Variants in CHL1 observed in about 807,000 individuals in gnomAD.
CHL1 encodes neural cell adhesion molecule L1-like protein.
CHL1 carries 96 observed loss-of-function variants against 141.9 expected under a neutral mutation model. The ratio of observed to expected loss-of-function variants is 0.68; its 90% CI spans 0.57 to 0.80. CHL1 has a LOEUF of 0.80. CHL1 is among the 30% of genes least tolerant of loss of function. The probability of loss-of-function intolerance (pLI) is 0.00; values close to 1 mark genes in which losing one functional copy is unlikely to be tolerated. For synonymous variants in CHL1, 613 were observed against 502.2 expected (o/e 1.22, Z -2.95); for missense variants, 1,820 against 1,457.2 (o/e 1.25, Z -4.05).
At chr3:281,604 G>T (rs564658354) in intron 2 of CHL1, among the ~76,000 whole-genome samples, 37 of 148,460 alleles carry the variant, frequency 2.5e-4, no homozygotes, top group African/African-American at 9.2e-4. Context: ...CTGTCGCCCA[G>T]GCTGGAATGC....
chr3:326,455 C>T (rs969723653), intron 4 of CHL1, among the ~76,000 whole-genome samples: 1 of 151,668 alleles, frequency 6.6e-6, no homozygotes, highest in Non-Finnish European at 1.5e-5. Context: ...TATAATTGTG[C>T]GTCTTTAAAT....
At chr3:222,686 T>G (rs949645439) in intron 1 of CHL1, among the ~76,000 whole-genome samples, 3 of 152,204 alleles carry the variant, frequency 2.0e-5, no homozygotes, top group Non-Finnish European at 2.9e-5. Context: ...AATACATTCT[T>G]TCACTCCTGT....
chr3:398,137 C>T, intron 24 of CHL1, 90 bp from the exon 25 acceptor site: 1 of 788,266 alleles, frequency 1.3e-6, no homozygotes. Flanking sequence ...GTATAAGTGA[C>T]TTTCTTATTC....
chr3:355,800 A>G (rs567171131), intron 11 of CHL1, among the ~76,000 whole-genome samples: 132 of 152,266 alleles, frequency 8.7e-4, no homozygotes, highest in Non-Finnish European at 1.7e-3. Flanking sequence ...TGCCTAGGGC[A>G]GTGATTCATC....
intron 2 of CHL1, among the ~76,000 whole-genome samples, chr3:256,294 A>T (rs991024690): frequency 1.3e-5 from 2 of 152,254 alleles, no homozygotes; most frequent in African/African-American, 4.8e-5. Context: ...TTACCATAGC[A>T]TGCAATTTTT....
At position 349,548 on chromosome 3, in the gene CHL1, C is replaced by T. The variant is rs746255581; in HGVS notation, c.1033+5C>T. The T allele has an allele frequency of 6.2e-7, 1 of 1,608,856 alleles. No homozygotes were observed. Among genetic ancestry groups the T allele is most frequent in the Non-Finnish European group, 8.5e-7 (1 of 1,177,712 alleles). ...ATTTTCACGTTATAGTAGAAGGTAC[C>T]TTTCCCATGTTGGTCTATTTCTCTG... On this transcript the variant is annotated splice_donor_5th_base_variant and intron_variant, in intron 10 of 27. Coordinates refer to ENST00000256509, the MANE Select transcript of CHL1 (RefSeq NM_006614.4).
intron 1 of CHL1, among the ~76,000 whole-genome samples, chr3:244,022 T>C (rs758730850): frequency 1.2e-4 from 18 of 152,148 alleles, no homozygotes; most frequent in Non-Finnish European, 1.9e-4. Context: ...AGTAAAAGGA[T>C]TGGATATATT....
At chr3:208,599 T>C (rs1175506859) in intron 1 of CHL1, among the ~76,000 whole-genome samples, 1 of 152,184 alleles carries the variant, frequency 6.6e-6, no homozygotes, top group Non-Finnish European at 1.5e-5. Flanking sequence ...TACATTGTGG[T>C]TTATTATCTT....
intron 2 of CHL1, among the ~76,000 whole-genome samples, chr3:279,788 G>A (rs1416669595): frequency 6.6e-6 from 1 of 152,208 alleles, no homozygotes; most frequent in Non-Finnish European, 1.5e-5. Flanking sequence ...GTGATTGGAA[G>A]GGAATCCGAA....
Position 349,021 on chromosome 3 carries a change from T to C in CHL1, c.849-338T>C, listed in dbSNP as rs559657117. ...GGGAGATTTTCACACTTGGAAAATA[T>C]CTTGGTAATATTATTTCAATGAGCT... On this transcript the variant is annotated intron_variant, in intron 9 of 27. Coordinates refer to ENST00000256509, the MANE Select transcript of CHL1 (RefSeq NM_006614.4). Among the ~76,000 whole-genome samples the C allele has an allele frequency of 4.2e-4, 64 of 152,320 alleles. 3 individuals carry two copies. The South Asian group carries it at 0.011, about 27-fold the overall frequency.
At chr3:274,331 C>A (rs1473297129) in intron 2 of CHL1, among the ~76,000 whole-genome samples, 1 of 152,102 alleles carries the variant, frequency 6.6e-6, no homozygotes, top group African/African-American at 2.4e-5. Flanking sequence ...ACACATATAC[C>A]CCACACACAT....
At chr3:314,295 T>G (rs960521920) in intron 2 of CHL1, among the ~76,000 whole-genome samples, 1 of 115,314 alleles carries the variant, frequency 8.7e-6, no homozygotes, top group African/African-American at 3.6e-5. Context: ...CCCCCAATCT[T>G]GCACTCTCTC....
chr3:247,610 T>C (rs1391650326), intron 2 of CHL1: 5 of 152,068 alleles, frequency 3.3e-5, no homozygotes, highest in Admixed American at 3.3e-4. Context: ...AGTTCTGAGA[T>C]TGCCTCTCTG....
chr3:239,220 C>T (rs1013532916), intron 1 of CHL1, among the ~76,000 whole-genome samples: 1 of 152,132 alleles, frequency 6.6e-6, no homozygotes, highest in African/African-American at 2.4e-5. Flanking sequence ...CACAGAGCAC[C>T]GGCTAGATCT....
chr3:343,846 A>C (rs895848135), intron 8 of CHL1, among the ~76,000 whole-genome samples: 1 of 152,216 alleles, frequency 6.6e-6, no homozygotes, highest in African/African-American at 2.4e-5. Flanking sequence ...CACAGCACTC[A>C]ATGAAAAATC....
chr3:199,859 T>C (rs1286233002), intron 1 of CHL1, among the ~76,000 whole-genome samples: 1 of 152,228 alleles, frequency 6.6e-6, no homozygotes, highest in Non-Finnish European at 1.5e-5. Flanking sequence ...AGGGTAACGA[T>C]CAAGACTGAT....
At chr3:257,107 A>T (rs947251555) in intron 2 of CHL1, among the ~76,000 whole-genome samples, 3 of 152,124 alleles carry the variant, frequency 2.0e-5, no homozygotes, top group African/African-American at 7.2e-5. Flanking sequence ...TCAAATATGG[A>T]GGCATTAGCT....
intron 2 of CHL1, among the ~76,000 whole-genome samples, chr3:303,535 TTTG>T (rs1318744617): frequency 1.3e-5 from 2 of 151,662 alleles, no homozygotes; most frequent in Non-Finnish European, 2.9e-5. Context: ...TGGCTCTCTG[TTTG>T]TTATTGGTGG....
At chr3:333,653 C>G (rs1029605604) in intron 5 of CHL1, among the ~76,000 whole-genome samples, 4 of 152,128 alleles carry the variant, frequency 2.6e-5, no homozygotes, top group African/African-American at 9.7e-5. Context: ...TCCCATAATA[C>G]ACCAGCCACT....
Sources: gnomAD v4.1 joint callset for allele counts (sites outside exome capture counted in the v4.1 genomes callset) on GRCh38, gnomAD v4.1.1 for gene constraint, MANE v1.5 for transcripts, NCBI Gene and HGNC (gene_info 2026-07-23, HGNC 2026-07-21) for gene names.